The following WDR35 variants were observed in gnomAD, a reference collection of about 807,000 sequenced individuals.
WDR35 encodes WD repeat-containing protein 35.
Under a neutral mutation model 158.3 loss-of-function variants are expected in WDR35, and 118 were observed. The observed-to-expected ratio is 0.75, with a 90% CI of 0.64 to 0.87. The LOEUF (loss-of-function observed/expected upper bound fraction) is 0.87, where lower values mean the gene tolerates loss of function less well. Ranked by LOEUF, WDR35 falls within the 40% of genes least tolerant of loss-of-function variation. WDR35 has a pLI of 0.00. For missense variants in WDR35, 1,263 were observed against 1,405.8 expected (o/e 0.90, Z 1.62); for synonymous variants, 448 against 476.1 (o/e 0.94, Z 0.77).
At chr2:19,980,898 T>C in intron 3 of WDR35, 115 bp from the exon 4 acceptor site, 1 of 858,798 alleles carries the variant, frequency 1.2e-6, no homozygotes, top group Admixed American at 2.2e-5. Flanking sequence ...TACAGCTAAC[T>C]AGTCTTTAAT....
chr2:19,943,674 T>C (rs1670946613), intron 16 of WDR35, among the ~76,000 whole-genome samples: 1 of 151,582 alleles, frequency 6.6e-6, no homozygotes, highest in Non-Finnish European at 1.5e-5. Context: ...GAAAGAAACA[T>C]GAAATGAAAT....
intron 22 of WDR35, 84 bp from the exon 23 acceptor site, chr2:19,932,531 T>C: frequency 1.3e-6 from 2 of 1,552,588 alleles, no homozygotes; most frequent in Non-Finnish European, 1.8e-6. Flanking sequence ...GCTTTAAGTT[T>C]ATAGTAAAAA....
At chr2:19,940,300 G>A (rs762455983) in intron 17 of WDR35, among the ~76,000 whole-genome samples, 3 of 151,852 alleles carry the variant, frequency 2.0e-5, no homozygotes, top group Non-Finnish European at 4.4e-5. Context: ...CTGGGGGGCA[G>A]AGGCTACAGT....
Position 19,989,271 on chromosome 2 carries a change from G to C in WDR35, c.36C>G (p.Pro12=). ...ATACACACTGCAGCTTCACGTTATT[G>C]GGAATGGAAATCTGAAAAAGCAACC... ...FFYLSKKISI[P]NNVKLQCVSW... Residue 12 remains proline, a synonymous_variant, in exon 2 of 27, where the codon CCC becomes CCG. Coordinates refer to ENST00000281405, the MANE Select transcript of WDR35 (RefSeq NM_020779.4). The C allele has an allele frequency of 6.2e-7, 1 of 1,614,140 alleles. No homozygotes were observed. The highest frequency in any genetic ancestry group is 8.5e-7 in the Non-Finnish European group (1 of 1,180,006).
intron 9 of WDR35, among the ~76,000 whole-genome samples, chr2:19,968,995 G>A (rs1238857953): frequency 6.6e-6 from 1 of 152,210 alleles, no homozygotes; most frequent in Non-Finnish European, 1.5e-5. Flanking sequence ...GTGGAGAGGT[G>A]AGTTGGAATA....
chr2:19,929,223 C>T (rs1403315237), intron 25 of WDR35, among the ~76,000 whole-genome samples: 1 of 152,182 alleles, frequency 6.6e-6, no homozygotes, highest in Non-Finnish European at 1.5e-5. Flanking sequence ...ACGATTATTA[C>T]ATATGGTCTC....
At chr2:19,967,869 A>ATATTAC (rs1479613723) in intron 9 of WDR35, among the ~76,000 whole-genome samples, 2 of 152,284 alleles carry the variant, frequency 1.3e-5, no homozygotes, top group East Asian at 3.9e-4. Flanking sequence ...ACTATTAACT[A>ATATTAC]TATTACTATT....
intron 14 of WDR35, among the ~76,000 whole-genome samples, 164 bp from the exon 15 acceptor site, chr2:19,946,734 CTAATT>C (rs1205102969): frequency 6.6e-6 from 1 of 152,126 alleles, no homozygotes; most frequent in African/African-American, 2.4e-5. Flanking sequence ...TATTTACCTA[CTAATT>C]TAATTAAACC....
At chr2:19,962,630 T>G (rs1377163031) in intron 10 of WDR35, among the ~76,000 whole-genome samples, 1 of 152,126 alleles carries the variant, frequency 6.6e-6, no homozygotes, top group Non-Finnish European at 1.5e-5. Flanking sequence ...TTACACAGAC[T>G]TTTTCTTTTT....
At chr2:19,960,084 A>C (rs932017995) in intron 11 of WDR35, among the ~76,000 whole-genome samples, 1 of 152,046 alleles carries the variant, frequency 6.6e-6, no homozygotes, top group African/African-American at 2.4e-5. Context: ...CATTAGAAAA[A>C]TCTGGAAAGG....
chr2:19,976,483 T>C (rs2103457978), intron 5 of WDR35, among the ~76,000 whole-genome samples: 1 of 152,256 alleles, frequency 6.6e-6, no homozygotes, highest in East Asian at 1.9e-4. Context: ...CAATATTCAA[T>C]ATATCCATAT....
At chr2:19,959,454 A>G (rs1363055495) in intron 11 of WDR35, among the ~76,000 whole-genome samples, 1 of 152,028 alleles carries the variant, frequency 6.6e-6, no homozygotes, top group African/African-American at 2.4e-5. Context: ...CTTTTTAACA[A>G]GGAACACTAA....
At chr2:19,931,206 T>C in intron 24 of WDR35, 63 bp downstream of exon 24, 1 of 1,557,816 alleles carries the variant, frequency 6.4e-7, no homozygotes, top group South Asian at 1.2e-5. Flanking sequence ...AGTTTAATAG[T>C]TTCTTTTTTT....
Position 19,913,400 on chromosome 2 carries a change from TTA to T in WDR35, c.*156_*157del. On this transcript the variant is annotated 3_prime_UTR_variant, in exon 27 of 27. Transcript: ENST00000281405. ...TTTCACAGTTGTATTGCCATAAAAA[TTA>T]TTTTATTAACATATATTTTGTGCAA... The T allele has an allele frequency of 3.6e-6, 3 of 835,268 alleles. No individual in the cohort carries two copies. The highest frequency in any genetic ancestry group is 5.3e-6 in the Non-Finnish European group (3 of 564,664). The allele number at this position is 835,268 out of a possible 1,614,324, so 51.7% of individuals were successfully genotyped here.
rs777166054 is a variant in WDR35, at chr2:19,946,548, T to C, written c.1547A>G (p.Gln516Arg). 50 of 1,613,550 alleles carry C rather than the reference T, an allele frequency of 3.1e-5. 1 individual carries two copies. In the South Asian group the frequency reaches 4.9e-4, roughly 16 times the overall value. ...ACCAACATTAGGTAGACTGTATCTCTGAATGGTGCCAGATTCACGACCCTA... is the reference window on the plus strand; with the variant it reads ...ACCAACATTAGGTAGACTGTATCTCCGAATGGTGCCAGATTCACGACCCTA... ...LIVGRESGTI[Q>R]RYSLPNVGLI... Residue 516 changes from glutamine (Q) to arginine (R), a missense_variant, in exon 15 of 27, where the codon CAG becomes CGG. Coordinates refer to ENST00000281405, the MANE Select transcript of WDR35 (RefSeq NM_020779.4).
rs3731665 is a variant in WDR35, at chr2:19,989,537, T to C, written c.25-255A>G. ...AAGCCAACGCCAGAGTCTCACCGGA[T>C]GGATTTTTTAAAGGGAGGACGGGGA... is the stretch of plus-strand genomic sequence containing the variant. On this transcript the variant is annotated intron_variant, in intron 1 of 26. Coordinates refer to ENST00000281405, the MANE Select transcript of WDR35 (RefSeq NM_020779.4). 0.085 allele frequency among the ~76,000 whole-genome samples: 12,909 copies of C among 152,242 alleles called. 641 individuals are homozygous for C. The highest frequency in any genetic ancestry group is 0.23 in the East Asian group (1,183 of 5,178).
intron 3 of WDR35, among the ~76,000 whole-genome samples, chr2:19,981,035 C>T (rs985338731): frequency 6.6e-6 from 1 of 152,110 alleles, no homozygotes; most frequent in East Asian, 1.9e-4. Flanking sequence ...GGCTAGCTAC[C>T]AGAACTACCA....
chr2:19,951,688 C>T (rs959662591), intron 12 of WDR35: 52 of 452,968 alleles, frequency 1.1e-4, no homozygotes, highest in African/African-American at 1.8e-4. Flanking sequence ...ATAAATGATA[C>T]GTTCCTGAAA....
At chr2:19,977,006 AT>A (rs1055290993) in intron 5 of WDR35, among the ~76,000 whole-genome samples, 11 of 150,462 alleles carry the variant, frequency 7.3e-5, no homozygotes, top group Non-Finnish European at 1.5e-4. Context: ...TTTTTTTTTT[AT>A]TTTTAGCACA....
Sources: gnomAD v4.1 joint callset for allele counts (sites outside exome capture counted in the v4.1 genomes callset) on GRCh38, gnomAD v4.1.1 for gene constraint, MANE v1.5 for transcripts, NCBI Gene and HGNC (gene_info 2026-07-23, HGNC 2026-07-21) for gene names.